KANSL1L: variants seen among roughly 807,000 people sequenced by gnomAD.
The protein encoded by KANSL1L is KAT8 regulatory NSL complex subunit 1 like.
KANSL1L carries 25 observed loss-of-function variants against 108.6 expected under a neutral mutation model. The observed-to-expected ratio is 0.23, with a 90% CI of 0.17 to 0.32. The LOEUF (loss-of-function observed/expected upper bound fraction) is 0.32, where lower values mean the gene tolerates loss of function less well. KANSL1L is among the 10% of genes least tolerant of loss of function. The pLI, the probability that KANSL1L is intolerant of heterozygous loss-of-function variation, is 1.00. For synonymous variants in KANSL1L, 405 were observed against 395.1 expected (o/e 1.03, Z -0.30); for missense variants, 1,137 against 1,125.7 (o/e 1.01, Z -0.14).
intron 1 of KANSL1L, among the ~76,000 whole-genome samples, chr2:210,164,199 C>T (rs186015682): frequency 1.7e-3 from 256 of 152,112 alleles, no homozygotes; most frequent in Admixed American, 4.3e-3. Flanking sequence ...ATTTTCTATT[C>T]CTCTGTATGT....
intron 3 of KANSL1L, among the ~76,000 whole-genome samples, chr2:210,112,507 T>A (rs1324002812): frequency 1.3e-5 from 2 of 152,164 alleles, no homozygotes; most frequent in East Asian, 3.8e-4. Flanking sequence ...AAATACCATT[T>A]AAGAGTGAGG....
chr2:210,083,743 G>A (rs2094610229), intron 5 of KANSL1L, among the ~76,000 whole-genome samples: 1 of 150,574 alleles, frequency 6.6e-6, no homozygotes, highest in Non-Finnish European at 1.5e-5. Context: ...GCAGGAAAAT[G>A]GCATGAACCC....
rs2093990601 is a variant in KANSL1L, at chr2:210,029,846, ACAG to A, written c.2225_2227del (p.Ala742del). The A allele has an allele frequency of 1.2e-6, 2 of 1,607,536 alleles. No homozygotes were observed. Among genetic ancestry groups the A allele is most frequent in the Non-Finnish European group, 1.7e-6 (2 of 1,175,610 alleles). ...TCTTGATAAAACGTTGACATTGGAA[ACAG>A]CAGTAAAATTGCTATGGGATCCTGA... On this transcript the variant is annotated inframe_deletion, in exon 10 of 15. Transcript: ENST00000281772.
rs575752373 is a variant in KANSL1L at position 210,099,775 on chromosome 2, C to T, written c.1429-1568G>A. On this transcript the variant is annotated intron_variant, in intron 4 of 14. Coordinates refer to ENST00000281772, the MANE Select transcript of KANSL1L (RefSeq NM_152519.4). ...GCCAGGAAGGGGGAAATTACAATCC[C>T]TATCTTTACCCTAAGAATCAGCCTA... Among the ~76,000 whole-genome samples the T allele has an allele frequency of 3.3e-5, 5 of 152,196 alleles. No individual in the cohort carries two copies. In the East Asian group the frequency reaches 9.7e-4, roughly 29 times the overall value.
intron 3 of KANSL1L, among the ~76,000 whole-genome samples, chr2:210,117,244 A>C (rs1050652883): frequency 6.6e-6 from 1 of 152,226 alleles, no homozygotes; most frequent in African/African-American, 2.4e-5. Flanking sequence ...CACACCTACC[A>C]GATCAAAAAA....
chr2:210,132,360 A>C (rs941763217), intron 2 of KANSL1L, among the ~76,000 whole-genome samples: 1 of 152,000 alleles, frequency 6.6e-6, no homozygotes, highest in African/African-American at 2.4e-5. Flanking sequence ...TGACTCCCTG[A>C]ATCTTTCTAG....
intron 2 of KANSL1L, among the ~76,000 whole-genome samples, chr2:210,129,716 C>T (rs1341173813): frequency 3.3e-5 from 5 of 151,930 alleles, no homozygotes; most frequent in South Asian, 4.1e-4. Flanking sequence ...AATATAAATG[C>T]TCTGCTACAT....
In KANSL1L at chr2:210,057,819, A is replaced by G. The variant is rs532474074; in HGVS notation, c.1756-13715T>C. Among the ~76,000 whole-genome samples the G allele has an allele frequency of 1.2e-3, 177 of 152,322 alleles. 1 individual carries two copies. The highest frequency in any genetic ancestry group is 3.4e-3 in the African/African-American group (142 of 41,562). ...TTCATGGACACTTATCACTTCCCCA[A>G]TCAATACCCTTGTGATTTCCTATGC... is the stretch of plus-strand genomic sequence containing the variant. On this transcript the variant is annotated intron_variant, in intron 6 of 14. Transcript: ENST00000281772.
In KANSL1L at chr2:210,154,064, C is replaced by A; in HGVS notation, c.519G>T (p.Trp173Cys). ...TATCCAAAAGTGCATTCTCTTGATACCATTTACAGTTTTGTAGTTGTACTT... is the reference window on the plus strand; with the variant it reads ...TATCCAAAAGTGCATTCTCTTGATAACATTTACAGTTTTGTAGTTGTACTT... ...VDKVQLQNCK[W>C]YQENALLDKV... Residue 173 changes from tryptophan to cysteine, a missense_variant, in exon 2 of 15, where the codon TGG becomes TGT. Physicochemically the swap from Trp to Cys is radical, Grantham distance 215. Coordinates refer to ENST00000281772, the MANE Select transcript of KANSL1L (RefSeq NM_152519.4). 6.2e-7 allele frequency: 1 copy of A among 1,613,484 alleles called. No individual in the cohort carries two copies. Among genetic ancestry groups the A allele is most frequent in the Non-Finnish European group, 8.5e-7 (1 of 1,179,574 alleles).
Position 210,044,730 on chromosome 2 carries a change from GTACTC to G in KANSL1L, c.1756-631_1756-627del, listed in dbSNP as rs536476241. On this transcript the variant is annotated intron_variant, in intron 6 of 14. Transcript: ENST00000281772. This position sits in a 1 kb window ranked among gnomAD's most constrained non-coding sequence, Gnocchi z 4.2. ...AAAATGATTACATGACTTTTCTTCT[GTACTC>G]TATTATAAAGTGACAAATTGCATTA... Among the ~76,000 whole-genome samples, 28 of 151,770 alleles carry G rather than the reference GTACTC, an allele frequency of 1.8e-4. 1 individual carries two copies. In the East Asian group the frequency reaches 4.8e-3, roughly 26 times the overall value.
intron 3 of KANSL1L, among the ~76,000 whole-genome samples, chr2:210,127,902 C>T (rs756098204): frequency 1.4e-4 from 20 of 140,242 alleles, no homozygotes; most frequent in Non-Finnish European, 2.3e-4. Flanking sequence ...TGAATTAAAA[C>T]GCAACAAGAA....
intron 1 of KANSL1L, among the ~76,000 whole-genome samples, chr2:210,155,725 G>A (rs1454140740): frequency 6.6e-6 from 1 of 152,060 alleles, no homozygotes; most frequent in East Asian, 1.9e-4. Context: ...ACATTATGAA[G>A]GCTGAATAGT....
At chr2:210,047,052 T>C (rs1376568854) in intron 6 of KANSL1L, among the ~76,000 whole-genome samples, 1 of 152,078 alleles carries the variant, frequency 6.6e-6, no homozygotes, top group Admixed American at 6.6e-5. Context: ...ACTCTGGGCC[T>C]ATGCTGGGAG....
chr2:210,127,228 A>C (rs189024205), intron 3 of KANSL1L, among the ~76,000 whole-genome samples: 12 of 152,284 alleles, frequency 7.9e-5, no homozygotes, highest in African/African-American at 2.6e-4. Context: ...ACCAGGTAAA[A>C]CTGAATATCT....
intron 3 of KANSL1L, 114 bp downstream of exon 3, chr2:210,128,917 T>C: frequency 3.6e-6 from 3 of 822,066 alleles, no homozygotes; most frequent in Non-Finnish European, 5.4e-6. Context: ...AATTTTAACA[T>C]AAACTGGCTA....
At chr2:210,169,225 A>C (rs573212507) in intron 1 of KANSL1L, among the ~76,000 whole-genome samples, 60 of 152,278 alleles carry the variant, frequency 3.9e-4, no homozygotes, top group African/African-American at 1.4e-3. Flanking sequence ...AAGGGGGGGA[A>C]ATTTCAAAGG....
chr2:210,115,701 C>T (rs999951297), intron 3 of KANSL1L, among the ~76,000 whole-genome samples: 2 of 152,222 alleles, frequency 1.3e-5, no homozygotes, highest in African/African-American at 4.8e-5. Flanking sequence ...TGAATTTGCA[C>T]ATGCAATCCA....
intron 7 of KANSL1L, 73 bp downstream of exon 7, chr2:210,043,866 T>G (rs915373374): frequency 1.0e-6 from 1 of 996,360 alleles, no homozygotes; most frequent in Non-Finnish European, 1.4e-6. Flanking sequence ...ATTTATTAGA[T>G]TCTCTGTATT....
chr2:210,097,118 T>G (rs2094744202), intron 5 of KANSL1L: 3 of 318,460 alleles, frequency 9.4e-6, no homozygotes, highest in Non-Finnish European at 1.4e-5. Context: ...TAATTTTTTG[T>G]ATTTTTAGTA....
Sources: gnomAD v4.1 joint callset for allele counts (sites outside exome capture counted in the v4.1 genomes callset) on GRCh38, gnomAD v4.1.1 for gene constraint, Gnocchi (gnomAD v3.1) non-coding constraint, MANE v1.5 for transcripts, NCBI Gene and HGNC (gene_info 2026-07-23, HGNC 2026-07-21) for gene names.